Variants in ATP8A1 observed in about 807,000 individuals in gnomAD.
ATP8A1 encodes ATPase phospholipid transporting 8A1.
A neutral mutation model predicts 177.7 loss-of-function variants in ATP8A1; 90 were observed. The ratio of observed to expected loss-of-function variants is 0.51; its 90% CI spans 0.43 to 0.60. The LOEUF (loss-of-function observed/expected upper bound fraction) is 0.60. Ranked by LOEUF, ATP8A1 falls within the 20% of genes least tolerant of loss-of-function variation. ATP8A1 has a pLI of 0.00. For missense variants in ATP8A1, 1,072 were observed against 1,392.8 expected (o/e 0.77, Z 3.67); for synonymous variants, 493 against 485.9 (o/e 1.01, Z -0.19).
rs1712606829 is a variant in ATP8A1, at chr4:42,411,561, A to G, written c.*1355T>C. Reference sequence around the variant, plus strand: ...GTGTAGAAAACTGGTTGTGGTTTTTAAACAGCCCCTTCATTTACTGTTGGT... The same window carrying G: ...GTGTAGAAAACTGGTTGTGGTTTTTGAACAGCCCCTTCATTTACTGTTGGT... On this transcript the variant is annotated 3_prime_UTR_variant, in exon 37 of 37. Transcript: ENST00000381668. 1 of 152,208 alleles carries G rather than the reference A, an allele frequency of 6.6e-6. No homozygotes were observed. Among genetic ancestry groups the G allele is most frequent in the Non-Finnish European group, 1.5e-5 (1 of 68,038 alleles). The allele number at this position is 152,208 out of a possible 1,614,324, so 9.4% of individuals were successfully genotyped here.
intron 19 of ATP8A1, among the ~76,000 whole-genome samples, chr4:42,547,337 TTTA>T (rs1348154584): frequency 6.6e-6 from 1 of 152,224 alleles, no homozygotes; most frequent in East Asian, 1.9e-4. Context: ...TTAACTTCCT[TTTA>T]TTTTCACTAC....
intron 1 of ATP8A1, among the ~76,000 whole-genome samples, chr4:42,644,889 G>GAA (rs948291677): frequency 6.9e-6 from 1 of 144,398 alleles, no homozygotes; most frequent in African/African-American, 2.5e-5. Flanking sequence ...TATACTCCTT[G>GAA]AAAAAAAAAA....
chr4:42,423,474 C>T (rs1714226487), intron 34 of ATP8A1, 143 bp downstream of exon 34: 1 of 465,702 alleles, frequency 2.1e-6, no homozygotes, highest in Non-Finnish European at 3.7e-6. Flanking sequence ...GTTCCTGAAT[C>T]ACCCCTTCCT....
chr4:42,648,599 AAATAT>A (rs1313313302), intron 1 of ATP8A1, among the ~76,000 whole-genome samples: 1 of 152,156 alleles, frequency 6.6e-6, no homozygotes, highest in Non-Finnish European at 1.5e-5. Flanking sequence ...ACTAAAAGAA[AAATAT>A]AATTGAAAAA....
At chr4:42,621,390 A>G (rs13135170) in intron 4 of ATP8A1, among the ~76,000 whole-genome samples, 27,014 of 152,222 alleles carry the variant, frequency 0.18, 2,568 homozygotes, top group East Asian at 0.21. Flanking sequence ...TTTAAATTGG[A>G]GCGTTCTAAA....
intron 20 of ATP8A1, among the ~76,000 whole-genome samples, chr4:42,541,011 T>C (rs892280626): frequency 6.6e-6 from 1 of 151,840 alleles, no homozygotes; most frequent in Non-Finnish European, 1.5e-5. Flanking sequence ...TGTGTACAAG[T>C]AATAAAAACA....
intron 1 of ATP8A1, 94 bp from the exon 2 acceptor site, chr4:42,627,203 A>G: frequency 1.2e-6 from 1 of 850,738 alleles, no homozygotes; most frequent in Admixed American, 2.6e-5. Flanking sequence ...AATCTGTTAA[A>G]AGCTACTTGC....
chr4:42,426,704 C>T (rs1714662537), intron 33 of ATP8A1, among the ~76,000 whole-genome samples: 1 of 152,194 alleles, frequency 6.6e-6, no homozygotes, highest in African/African-American at 2.4e-5. Flanking sequence ...GTCCCATGAG[C>T]TTCATGGAAG....
chr4:42,564,562 G>C (rs112513832), intron 15 of ATP8A1, among the ~76,000 whole-genome samples: 1 of 152,208 alleles, frequency 6.6e-6, no homozygotes, highest in Non-Finnish European at 1.5e-5. Context: ...GACTTGCGTG[G>C]GGCCTGTAGC....
At chr4:42,487,997 T>G (rs1218285385) in intron 24 of ATP8A1, among the ~76,000 whole-genome samples, 1 of 152,192 alleles carries the variant, frequency 6.6e-6, no homozygotes, top group African/African-American at 2.4e-5. Flanking sequence ...CTCACCCTCC[T>G]GTTTCCTGCT....
chr4:42,517,084 G>A (rs1422990318), intron 22 of ATP8A1, among the ~76,000 whole-genome samples: 1 of 150,622 alleles, frequency 6.6e-6, no homozygotes, highest in Non-Finnish European at 1.5e-5. Context: ...GGTGGATCAC[G>A]AGGTCAGGAG....
At chr4:42,555,119 ATCT>A (rs1375742522) in intron 16 of ATP8A1, among the ~76,000 whole-genome samples, 319 of 97,872 alleles carry the variant, frequency 3.3e-3, no homozygotes, top group African/African-American at 6.5e-3. Context: ...CTATCTATCT[ATCT>A]ATCTATCTAT....
At chr4:42,590,690 T>C (rs1734074801) in intron 7 of ATP8A1, 121 bp downstream of exon 7, 1 of 812,670 alleles carries the variant, frequency 1.2e-6, no homozygotes. Context: ...CACCAAGCAG[T>C]ATAAAAAGTT....
At chr4:42,487,498 C>A (rs1023826433) in intron 24 of ATP8A1, among the ~76,000 whole-genome samples, 1 of 151,780 alleles carries the variant, frequency 6.6e-6, no homozygotes, top group Non-Finnish European at 1.5e-5. Context: ...AGTGCTAAGC[C>A]TACAGTTATT....
rs555361529 is a variant in ATP8A1, at chr4:42,500,100, C to T, written c.2151+3350G>A. On this transcript the variant is annotated intron_variant, in intron 24 of 36. Transcript: ENST00000381668. ...AATGTCTTGGCTGGGCGCAGTGGCT[C>T]ATGCCTGTAATCCCAACACTTTGGG... Among the ~76,000 whole-genome samples the T allele has an allele frequency of 2.6e-5, 4 of 152,322 alleles. No homozygotes were observed. In the South Asian group the frequency reaches 8.3e-4, roughly 32 times the overall value.
At chr4:42,514,880 A>G (rs1211878777) in intron 22 of ATP8A1, among the ~76,000 whole-genome samples, 1 of 152,250 alleles carries the variant, frequency 6.6e-6, no homozygotes, top group Non-Finnish European at 1.5e-5. Flanking sequence ...GATGTTCTGC[A>G]GATGAAATTA....
Position 42,413,127 on chromosome 4 carries a change from C to CA in ATP8A1, c.3398-115dup, listed in dbSNP as rs1349705160. The CA allele has an allele frequency of 1.8e-5, 14 of 761,072 alleles. No individual in the cohort carries two copies. In the African/African-American group the frequency reaches 1.9e-4, roughly 10 times the overall value. The allele number at this position is 761,072 out of a possible 1,614,324, so 47.1% of individuals were successfully genotyped here. A position where few individuals can be genotyped will look rare whatever the true frequency, so the allele number is the denominator to read the frequency against. ...GGAACAAATGCAGCCTTCCCACATT[C>CA]AAAAGCATGGAGACACTGATTTTTA... On this transcript the variant is annotated intron_variant, in intron 36 of 36. Coordinates refer to ENST00000381668, the MANE Select transcript of ATP8A1 (RefSeq NM_006095.2).
chr4:42,542,284 T>C (rs1417949116), intron 20 of ATP8A1, among the ~76,000 whole-genome samples: 7 of 152,054 alleles, frequency 4.6e-5, no homozygotes, highest in South Asian at 2.1e-4. Flanking sequence ...AAGTCCATCA[T>C]TTTTTATTTT....
rs112180821 is a variant in ATP8A1 at position 42,532,957 on chromosome 4, A to G, written c.1723-8110T>C. ...TTTGTACGCCTATCCCAAACCTATGAGAACTAATGATAATCCCACCACCCT... is the reference window on the plus strand; with the variant it reads ...TTTGTACGCCTATCCCAAACCTATGGGAACTAATGATAATCCCACCACCCT... On this transcript the variant is annotated intron_variant, in intron 20 of 36. Transcript: ENST00000381668. Among the ~76,000 whole-genome samples, 559 of 152,328 alleles carry G rather than the reference A, an allele frequency of 3.7e-3. 3 individuals carry two copies. Among genetic ancestry groups the G allele is most frequent in the African/African-American group, 0.013 (533 of 41,580 alleles).
Sources: gnomAD v4.1 joint callset for allele counts (sites outside exome capture counted in the v4.1 genomes callset) on GRCh38, gnomAD v4.1.1 for gene constraint, MANE v1.5 for transcripts, NCBI Gene and HGNC (gene_info 2026-07-23, HGNC 2026-07-21) for gene names.